AFDN: variants seen among roughly 807,000 people sequenced by gnomAD.
The protein encoded by AFDN is afadin.
In AFDN, 68 loss-of-function variants were observed where a neutral mutation model predicts 216.6. The observed-to-expected ratio is 0.31, with a 90% CI of 0.26 to 0.38. AFDN has a LOEUF of 0.38. AFDN is among the 10% of genes least tolerant of loss of function. AFDN has a pLI of 1.00. For synonymous variants in AFDN, 868 were observed against 853.7 expected (o/e 1.02, Z -0.29); for missense variants, 2,136 against 2,342.0 (o/e 0.91, Z 1.82).
chr6:167,899,232 G>A (rs541302285), intron 11 of AFDN, among the ~76,000 whole-genome samples: 69 of 152,088 alleles, frequency 4.5e-4, no homozygotes, highest in African/African-American at 1.6e-3. Flanking sequence ...CTTTCTCCAA[G>A]ATGAATACTT....
intron 29 of AFDN, among the ~76,000 whole-genome samples, chr6:167,950,190 T>C (rs752053282): frequency 6.6e-6 from 1 of 152,216 alleles, no homozygotes; most frequent in Non-Finnish European, 1.5e-5. Context: ...TACTTCATCT[T>C]TGTTGTTGGT....
At chr6:167,966,414 C>A in intron 32 of AFDN, 2 of 628,060 alleles carry the variant, frequency 3.2e-6, no homozygotes, top group Non-Finnish European at 4.8e-6. Flanking sequence ...CTGGTCTCGG[C>A]ATGGTGATCC....
chr6:167,864,426 G>A (rs763737096), intron 1 of AFDN, 125 bp from the exon 2 acceptor site: 2 of 908,624 alleles, frequency 2.2e-6, no homozygotes, highest in African/African-American at 3.2e-5. Context: ...CTCTACATTA[G>A]TCTCAGATGT....
chr6:167,903,423 T>G (rs558051291), intron 12 of AFDN, among the ~76,000 whole-genome samples: 1 of 152,218 alleles, frequency 6.6e-6, no homozygotes, highest in African/African-American at 2.4e-5. Flanking sequence ...GAAGTCGTAG[T>G]GTTGTGGGAC....
At position 167,902,405 on chromosome 6, in the gene AFDN, C is replaced by T. The variant is rs745844838; in HGVS notation, c.1650+19C>T. ...AAGCAAGGTAGGTAATTATGGATTA[C>T]CTGATAGAAGTGTGCTTGCTATAGG... is the stretch of plus-strand genomic sequence containing the variant. On this transcript the variant is annotated intron_variant, in intron 12 of 33. Transcript: ENST00000683244. 4.2e-5 allele frequency: 67 copies of T among 1,580,740 alleles called. No homozygotes were observed. Among genetic ancestry groups the T allele is most frequent in the Non-Finnish European group, 3.5e-6 (4 of 1,150,788 alleles).
chr6:167,894,054 T>G (rs1453819628), intron 9 of AFDN, 148 bp downstream of exon 9: 1 of 634,526 alleles, frequency 1.6e-6, no homozygotes, highest in East Asian at 2.9e-5. Context: ...ACTGTCATTT[T>G]ATTTGTACCT....
At chr6:167,848,420 A>G (rs1272590410) in intron 1 of AFDN, among the ~76,000 whole-genome samples, 1 of 152,252 alleles carries the variant, frequency 6.6e-6, no homozygotes, top group Non-Finnish European at 1.5e-5. Context: ...GTGAAACTTC[A>G]TATGAGTAGA....
intron 1 of AFDN, among the ~76,000 whole-genome samples, chr6:167,836,174 A>C (rs17165113): frequency 0.057 from 8,699 of 152,234 alleles, 829 homozygotes; most frequent in African/African-American, 0.2. Context: ...TTCACTCGGG[A>C]TGTGACCTAA....
intron 6 of AFDN, among the ~76,000 whole-genome samples, chr6:167,887,866 G>C (rs1022445436): frequency 1.3e-5 from 2 of 152,190 alleles, no homozygotes; most frequent in African/African-American, 2.4e-5. Context: ...CCTGGGATAA[G>C]AAGAAGCTGC....
rs894843203 is a variant in AFDN at position 167,964,658 on chromosome 6, G to T, written c.4969-1099G>T. ...TGTGTGTGTGTGTGTGTGTGTGTGT[G>T]TGTAGCTCTAGAGGGAGTAGGGAGA... On this transcript the variant is annotated intron_variant, in intron 31 of 33. Coordinates refer to ENST00000683244, the MANE Select transcript of AFDN (RefSeq NM_001386888.1). The T allele has an allele frequency of 4.0e-6, 4 of 1,001,740 alleles. No homozygotes were observed. In the African/African-American group the frequency reaches 7.2e-5, roughly 18 times the overall value. The allele number at this position is 1,001,740 out of a possible 1,614,324, so 62.1% of individuals were successfully genotyped here. A position where few individuals can be genotyped will look rare whatever the true frequency, so the allele number is the denominator to read the frequency against.
chr6:167,962,753 G>T lies in AFDN; in HGVS notation c.4968+186G>T. 6.8e-7 allele frequency: 1 copy of T among 1,460,120 alleles called. No homozygotes were observed. The allele number at this position is 1,460,120 out of a possible 1,614,324, so 90.4% of individuals were successfully genotyped here. Reference sequence around the variant, plus strand: ...CATCTGGCCCACCTACCTCTCTTCTGGACTGTCTCCAGATCCCCTTATCTG... The same window carrying T: ...CATCTGGCCCACCTACCTCTCTTCTTGACTGTCTCCAGATCCCCTTATCTG... On this transcript the variant is annotated intron_variant, in intron 31 of 33. Coordinates refer to ENST00000683244, the MANE Select transcript of AFDN (RefSeq NM_001386888.1). The surrounding 1 kb of genome is among the most constrained non-coding windows in gnomAD (Gnocchi z 5.2).
chr6:167,863,687 A>T (rs574521384), intron 1 of AFDN: 9 of 460,822 alleles, frequency 2.0e-5, no homozygotes. Flanking sequence ...TCTGTGTGCA[A>T]GGAAATAATG....
intron 19 of AFDN, 113 bp from the exon 20 acceptor site, chr6:167,916,976 G>C (rs888809261): frequency 2.2e-6 from 2 of 899,398 alleles, no homozygotes; most frequent in South Asian, 1.9e-5. Context: ...AAATCATTCT[G>C]CATTTCAAAG....
intron 6 of AFDN, among the ~76,000 whole-genome samples, chr6:167,882,866 C>G (rs531943379): frequency 1.3e-5 from 2 of 151,938 alleles, no homozygotes; most frequent in South Asian, 2.1e-4. Flanking sequence ...GAAAAAGATT[C>G]AAGTTGCATA....
rs554985694 is a variant in AFDN at position 167,872,485 on chromosome 6, A to G, written c.578+108A>G. 3.5e-5 allele frequency: 43 copies of G among 1,245,012 alleles called. No individual in the cohort carries two copies. In the Admixed American group the frequency reaches 3.9e-4, roughly 11 times the overall value. 77.1% of individuals were successfully genotyped at this position (1,245,012 alleles called of 1,614,324 possible). A position where few individuals can be genotyped will look rare whatever the true frequency, so the allele number is the denominator to read the frequency against. On this transcript the variant is annotated intron_variant, in intron 4 of 33. Transcript: ENST00000683244. ...ATAAATTATGGAAAGGATGAGTATC[A>G]GTCAGGAAATGTGTTTGGGTCTACT...
chr6:167,962,383 C>T lies in AFDN; in HGVS notation c.4834-50C>T. The T allele has an allele frequency of 6.2e-7, 1 of 1,609,406 alleles. No individual in the cohort carries two copies. Among genetic ancestry groups the T allele is most frequent in the South Asian group, 1.1e-5 (1 of 90,732 alleles). ...TTGTCTTAATGTGTGCATTTTATGT[C>T]TTGTGCTGGTGGAGTTTGTGGAGGG... On this transcript the variant is annotated intron_variant, in intron 30 of 33. Transcript: ENST00000683244. This position sits in a 1 kb window ranked among gnomAD's most constrained non-coding sequence, Gnocchi z 5.2.
At chr6:167,939,891 T>C (rs1036449632) in intron 23 of AFDN, among the ~76,000 whole-genome samples, 3 of 152,242 alleles carry the variant, frequency 2.0e-5, no homozygotes, top group South Asian at 2.1e-4. Context: ...ATATGTATTA[T>C]TCTTTTCTAA....
At chr6:167,832,706 T>C (rs973182316) in intron 1 of AFDN, among the ~76,000 whole-genome samples, 1 of 152,208 alleles carries the variant, frequency 6.6e-6, no homozygotes, top group Admixed American at 6.5e-5. Flanking sequence ...AGTGAAACTC[T>C]TTTGAGGAAC....
Position 167,965,766 on chromosome 6 carries a change from G to A in AFDN, c.4978G>A (p.Glu1660Lys). 2 of 1,547,214 alleles carry A rather than the reference G, an allele frequency of 1.3e-6. No homozygotes were observed. Among genetic ancestry groups the A allele is most frequent in the African/African-American group, 2.7e-5 (2 of 73,532 alleles). Residue 1660 changes from glutamate to lysine, a missense_variant, in exon 32 of 34, where the codon GAA becomes AAA. This residue lies in a region of AFDN where 981 missense variants were observed against 966.0 expected (regional missense o/e 1.02). Coordinates refer to ENST00000683244, the MANE Select transcript of AFDN (RefSeq NM_001386888.1). The part of the protein sequence containing the change: ...KRDAEEKRRQ[E>K]EGYYSRLEAE... ...CTATTCCCGCCCGCAGAGGCGACAG[G>A]AAGAAGGGTATTACAGCCGCCTGGA...
Sources: allele counts gnomAD v4.1 joint callset (sites outside exome capture counted in the v4.1 genomes callset), GRCh38; gene constraint gnomAD v4.1.1; regional missense constraint gnomAD v4.1.1; non-coding constraint Gnocchi (gnomAD v3.1); transcripts MANE v1.5; gene names NCBI Gene and HGNC (gene_info 2026-07-23, HGNC 2026-07-21).